The following NLK variants were observed in gnomAD, a reference collection of about 807,000 sequenced individuals.
NLK encodes the protein serine/threonine-protein kinase NLK.
In NLK, 11 loss-of-function variants were observed where a neutral mutation model predicts 59.0. That is an observed-to-expected ratio of 0.19 (90% CI 0.12 to 0.31). The LOEUF (loss-of-function observed/expected upper bound fraction) is 0.31. Ranked by LOEUF, NLK falls within the 10% of genes least tolerant of loss-of-function variation. The pLI is 1.00. For missense variants in NLK, 410 were observed against 661.1 expected (o/e 0.62, Z 4.16); for synonymous variants, 235 against 235.9 (o/e 1.00, Z 0.03).
intron 3 of NLK, among the ~76,000 whole-genome samples, chr17:28,138,874 A>G (rs921101890): frequency 4.6e-5 from 7 of 152,362 alleles, no homozygotes; most frequent in Non-Finnish European, 8.8e-5. Context: ...AAATGAACCA[A>G]TAGATGATTT....
chr17:28,118,563 T>G (rs896514097), intron 1 of NLK, among the ~76,000 whole-genome samples: 4 of 152,208 alleles, frequency 2.6e-5, no homozygotes, highest in Admixed American at 6.5e-5. Flanking sequence ...GTTTCACTTT[T>G]GTTTCATTAC....
In NLK at chr17:28,161,239, A is replaced by C; in HGVS notation, c.724A>C (p.Lys242Gln). 6.2e-7 allele frequency: 1 copy of C among 1,609,960 alleles called. No homozygotes were observed. Among genetic ancestry groups the C allele is most frequent in the South Asian group, 1.1e-5 (1 of 90,998 alleles). The change falls in exon 4 of 11, where the codon AAA becomes CAA. Residue 242 changes from lysine (K) to glutamine (Q), a missense_variant. Physicochemically the swap from Lys to Gln is moderately conservative, Grantham distance 53. This residue lies in a region of NLK where 73 missense variants were observed against 197.2 expected (regional missense o/e 0.37). Transcript: ENST00000407008. ...TCAACCACTCAGCTCAGATCATGTC[A>C]AAGTTTTTCTTTATCAGATTTTGCG... ...SPQPLSSDHV[K>Q]VFLYQILRGL...
intron 7 of NLK, among the ~76,000 whole-genome samples, chr17:28,181,340 A>G (rs1796946051): frequency 6.6e-6 from 1 of 152,100 alleles, no homozygotes; most frequent in Admixed American, 6.6e-5. Context: ...TGGAGGTTGC[A>G]GTGAGCCGAG....
At chr17:28,072,095 G>A (rs1910023978) in intron 1 of NLK, among the ~76,000 whole-genome samples, 2 of 152,122 alleles carry the variant, frequency 1.3e-5, no homozygotes, top group Admixed American at 1.3e-4. Flanking sequence ...TCATATTTCT[G>A]TGTTCTAACT....
At chr17:28,068,465 T>G (rs1909907716) in intron 1 of NLK, among the ~76,000 whole-genome samples, 1 of 152,180 alleles carries the variant, frequency 6.6e-6, no homozygotes, top group Non-Finnish European at 1.5e-5. Context: ...GTTTTTAGGT[T>G]ACTATCTTGT....
chr17:28,172,905 G>A lies in NLK; in HGVS notation c.1149+287G>A, dbSNP rs1908521099. Among the ~76,000 whole-genome samples, 2 of 152,178 alleles carry A rather than the reference G, an allele frequency of 1.3e-5. 1 individual carries two copies. The highest frequency in any genetic ancestry group is 4.8e-5 in the African/African-American group (2 of 41,452). On this transcript the variant is annotated intron_variant, in intron 7 of 10. Coordinates refer to ENST00000407008, the MANE Select transcript of NLK (RefSeq NM_016231.5). ...GGTGTCTATGGGAAAAATTACTGGAGATGGAGCTTTGACCTCAATGCCATA... is the reference window on the plus strand; with the variant it reads ...GGTGTCTATGGGAAAAATTACTGGAAATGGAGCTTTGACCTCAATGCCATA...
intron 1 of NLK, among the ~76,000 whole-genome samples, chr17:28,095,764 A>G (rs1904680112): frequency 6.6e-6 from 1 of 152,226 alleles, no homozygotes; most frequent in South Asian, 2.1e-4. Context: ...ATCTGCATCA[A>G]TCCTTAAAGT....
intron 1 of NLK, among the ~76,000 whole-genome samples, chr17:28,044,226 G>A (rs1908973209): frequency 6.6e-6 from 1 of 152,166 alleles, no homozygotes; most frequent in East Asian, 1.9e-4. Flanking sequence ...ATCAAAACTA[G>A]AATGAACTGG....
intron 1 of NLK, among the ~76,000 whole-genome samples, chr17:28,045,034 A>T (rs949529690): frequency 6.6e-6 from 1 of 152,152 alleles, no homozygotes; most frequent in African/African-American, 2.4e-5. Flanking sequence ...GCAATAAAGA[A>T]CTGGAGTGCT....
chr17:28,158,818 G>A (rs535729259), intron 3 of NLK, among the ~76,000 whole-genome samples: 2 of 152,184 alleles, frequency 1.3e-5, no homozygotes, highest in East Asian at 3.9e-4. Context: ...TAGAGTTGAG[G>A]TCTGAGTTGC....
chr17:28,119,979 T>G (rs1409476433), intron 1 of NLK, among the ~76,000 whole-genome samples: 1 of 152,198 alleles, frequency 6.6e-6, no homozygotes, highest in Non-Finnish European at 1.5e-5. Flanking sequence ...ATGGCAGTCA[T>G]GAAAGACATG....
At chr17:28,075,964 A>G (rs1910151137) in intron 1 of NLK, among the ~76,000 whole-genome samples, 1 of 152,220 alleles carries the variant, frequency 6.6e-6, no homozygotes, top group African/African-American at 2.4e-5. Context: ...CCATACAGTG[A>G]AAAAAGCACA....
chr17:28,122,787 T>C, intron 2 of NLK, 55 bp downstream of exon 2: 1 of 1,602,014 alleles, frequency 6.2e-7, no homozygotes, highest in Non-Finnish European at 8.5e-7. Context: ...TGCATTGAAT[T>C]AGTAAAGAGC....
At chr17:28,075,048 A>T (rs1006488968) in intron 1 of NLK, among the ~76,000 whole-genome samples, 32 of 152,274 alleles carry the variant, frequency 2.1e-4, no homozygotes, top group East Asian at 3.8e-4. Flanking sequence ...TACATAAAAT[A>T]ATGGCACATT....
chr17:28,084,582 G>A (rs752912389), intron 1 of NLK, among the ~76,000 whole-genome samples: 4 of 149,252 alleles, frequency 2.7e-5, no homozygotes, highest in African/African-American at 4.9e-5. Context: ...TTTTTTTTTC[G>A]AGATGGAGTC....
chr17:28,189,761 A>G (rs1295140444), intron 8 of NLK, among the ~76,000 whole-genome samples: 2 of 152,214 alleles, frequency 1.3e-5, no homozygotes, highest in Non-Finnish European at 2.9e-5. Context: ...AGAAAAGGAA[A>G]AAGTTTACTT....
intron 2 of NLK, among the ~76,000 whole-genome samples, chr17:28,124,893 T>C (rs1316296481): frequency 6.6e-6 from 1 of 151,714 alleles, no homozygotes; most frequent in Non-Finnish European, 1.5e-5. Context: ...CTACAAAAAA[T>C]AAAAAATTAG....
intron 1 of NLK, among the ~76,000 whole-genome samples, chr17:28,074,034 T>A (rs1215898444): frequency 6.6e-6 from 1 of 152,242 alleles, no homozygotes; most frequent in East Asian, 1.9e-4. Flanking sequence ...AAATAACTTT[T>A]AAAGCAATTA....
intron 3 of NLK, among the ~76,000 whole-genome samples, chr17:28,139,585 G>A (rs1372110324): frequency 1.3e-5 from 2 of 152,158 alleles, no homozygotes; most frequent in Non-Finnish European, 2.9e-5. Flanking sequence ...ATATGACATT[G>A]TACTAACCTC....
Sources: gnomAD v4.1 joint callset for allele counts (sites outside exome capture counted in the v4.1 genomes callset) on GRCh38, gnomAD v4.1.1 for gene constraint, gnomAD v4.1.1 regional missense constraint, MANE v1.5 for transcripts, NCBI Gene and HGNC (gene_info 2026-07-23, HGNC 2026-07-21) for gene names.